PPP2R5A: variants seen among roughly 807,000 people sequenced by gnomAD.
PPP2R5A encodes the protein serine/threonine-protein phosphatase 2A 56 kDa regulatory subunit alpha isoform.
PPP2R5A carries 25 observed loss-of-function variants against 64.2 expected under a neutral mutation model. The ratio of observed to expected loss-of-function variants is 0.39; its 90% CI spans 0.28 to 0.54. The LOEUF is 0.54. PPP2R5A is among the 20% of genes least tolerant of loss of function. PPP2R5A has a pLI of 0.67. For missense variants in PPP2R5A, 425 were observed against 576.3 expected (o/e 0.74, Z 2.69); for synonymous variants, 198 against 201.2 (o/e 0.98, Z 0.13).
chr1:212,309,334 C>A, intron 1 of PPP2R5A: 1 of 1,533,014 alleles, frequency 6.5e-7, no homozygotes, highest in Admixed American at 1.7e-5. Context: ...GGCGCTCTTC[C>A]GAGGATATTT....
At chr1:212,357,329 T>TTA in intron 11 of PPP2R5A, 45 bp downstream of exon 11, 1 of 1,422,880 alleles carries the variant, frequency 7.0e-7, no homozygotes, top group Non-Finnish European at 9.4e-7. Context: ...TTTTTTTTTT[T>TTA]TATATCTTTT....
chr1:212,291,482 C>A (rs1658601023), intron 1 of PPP2R5A, among the ~76,000 whole-genome samples: 1 of 152,230 alleles, frequency 6.6e-6, no homozygotes, highest in Non-Finnish European at 1.5e-5. Flanking sequence ...GTAAAATCCA[C>A]TTACAGTATT....
intron 12 of PPP2R5A, among the ~76,000 whole-genome samples, chr1:212,359,180 A>C (rs1348275177): frequency 1.3e-5 from 2 of 152,154 alleles, no homozygotes; most frequent in Non-Finnish European, 2.9e-5. Flanking sequence ...CAATTTGTAC[A>C]ATTTGATTTT....
At chr1:212,320,461 T>C (rs1474424812) in intron 1 of PPP2R5A, among the ~76,000 whole-genome samples, 1 of 152,072 alleles carries the variant, frequency 6.6e-6, no homozygotes, top group African/African-American at 2.4e-5. Context: ...AGCTGTTGAG[T>C]ACACCTCCCA....
In PPP2R5A at chr1:212,360,698, A is replaced by G. The variant is rs746951287; in HGVS notation, c.1389A>G (p.Leu463=). 1.3e-6 allele frequency: 2 copies of G among 1,597,900 alleles called. No individual in the cohort carries two copies. The highest frequency in any genetic ancestry group is 1.7e-6 in the Non-Finnish European group (2 of 1,171,010). Residue 463 remains leucine (L), a synonymous_variant, in exon 13 of 13, where the codon CTA becomes CTG. Coordinates refer to ENST00000261461, the MANE Select transcript of PPP2R5A (RefSeq NM_006243.4). ...ELWKKLEELK[L]KKALEKQNSA... ...GGAAAAAATTAGAGGAGCTAAAGCT[A>G]AAGAAAGCTCTAGAAAAACAGAATA...
At chr1:212,351,119 A>C (rs1305947678) in intron 8 of PPP2R5A, among the ~76,000 whole-genome samples, 1 of 151,876 alleles carries the variant, frequency 6.6e-6, no homozygotes, top group Non-Finnish European at 1.5e-5. Context: ...AAAAACAAAA[A>C]AACAAAAAAC....
At chr1:212,347,435 G>T (rs1558153451) in intron 6 of PPP2R5A, 29 bp downstream of exon 6, 2 of 1,489,120 alleles carry the variant, frequency 1.3e-6, no homozygotes, top group Non-Finnish European at 1.9e-6. Context: ...TTCTTTTTAA[G>T]AATTAAGTAA....
At chr1:212,323,263 A>T (rs1299870840) in intron 1 of PPP2R5A, among the ~76,000 whole-genome samples, 1 of 152,172 alleles carries the variant, frequency 6.6e-6, no homozygotes, top group Non-Finnish European at 1.5e-5. Flanking sequence ...TGGCCTTCTC[A>T]ACTTGCTTCT....
chr1:212,357,359 C>G, intron 11 of PPP2R5A, 75 bp downstream of exon 11: 1 of 1,308,836 alleles, frequency 7.6e-7, no homozygotes, highest in East Asian at 2.6e-5. Context: ...TTTCCTAACT[C>G]ATACTTGAAA....
chr1:212,299,740 C>G (rs1658765648), intron 1 of PPP2R5A: 3 of 151,920 alleles, frequency 2.0e-5, no homozygotes, highest in Non-Finnish European at 2.9e-5. Flanking sequence ...CCAGAGTGAA[C>G]ATAAAGTAGC....
intron 1 of PPP2R5A, among the ~76,000 whole-genome samples, chr1:212,292,761 C>T (rs1295153871): frequency 6.6e-6 from 1 of 152,154 alleles, no homozygotes; most frequent in Non-Finnish European, 1.5e-5. Context: ...GACAAGTTCT[C>T]GCTATGTTGT....
At chr1:212,346,746 G>T (rs1237358959) in intron 5 of PPP2R5A, among the ~76,000 whole-genome samples, 1 of 152,070 alleles carries the variant, frequency 6.6e-6, no homozygotes, top group Non-Finnish European at 1.5e-5. Flanking sequence ...ATTAATTGAA[G>T]ATCTGGCAAA....
At chr1:212,302,151 G>A (rs1398154995) in intron 1 of PPP2R5A, 7 of 1,408,700 alleles carry the variant, frequency 5.0e-6, no homozygotes, top group Non-Finnish European at 6.8e-6. Flanking sequence ...GGAGAGAAAT[G>A]AATAGAGACT....
chr1:212,301,009 GA>G (rs1243671199), intron 1 of PPP2R5A, among the ~76,000 whole-genome samples: 1 of 152,066 alleles, frequency 6.6e-6, no homozygotes, highest in Non-Finnish European at 1.5e-5. Context: ...CTAGAGACTT[GA>G]ACACCTTGTT....
At chr1:212,350,007 G>A (rs1390776816) in intron 8 of PPP2R5A, among the ~76,000 whole-genome samples, 7 of 152,028 alleles carry the variant, frequency 4.6e-5, no homozygotes, top group Admixed American at 1.3e-4. Flanking sequence ...AAGTGATTGC[G>A]GCTTTTGCCA....
At position 212,344,270 on chromosome 1, in the gene PPP2R5A, G is replaced by A. The variant is rs139020498; in HGVS notation, c.574-1533G>A. Among the ~76,000 whole-genome samples the A allele has an allele frequency of 2.6e-4, 39 of 152,238 alleles. No homozygotes were observed. The East Asian group carries it at 6.4e-3, about 25-fold the overall frequency. On this transcript the variant is annotated intron_variant, in intron 4 of 12. Coordinates refer to ENST00000261461, the MANE Select transcript of PPP2R5A (RefSeq NM_006243.4). ...ATTACAGTTGAGAGCCACTTTGCCC[G>A]GCTGCCATTTTTAATTAGAATAATT...
At chr1:212,289,683 AT>A (rs1409397037) in intron 1 of PPP2R5A, among the ~76,000 whole-genome samples, 1 of 152,172 alleles carries the variant, frequency 6.6e-6, no homozygotes, top group Admixed American at 6.5e-5. Context: ...AAGGGGAATA[AT>A]TTAAGTGCCT....
In PPP2R5A at chr1:212,357,089, G is replaced by A; in HGVS notation, c.1098+20G>A. 6.3e-7 allele frequency: 1 copy of A among 1,594,088 alleles called. No individual in the cohort carries two copies. The highest frequency in any genetic ancestry group is 1.8e-5 in the Admixed American group (1 of 54,896). ...TTTCAGGTATGATGTTTTCAGTGAA[G>A]CCTTTACTTTACACTAGTATTTCTT... On this transcript the variant is annotated intron_variant, in intron 10 of 12. Coordinates refer to ENST00000261461, the MANE Select transcript of PPP2R5A (RefSeq NM_006243.4).
chr1:212,331,492 A>G (rs1382697384), intron 2 of PPP2R5A: 1 of 152,132 alleles, frequency 6.6e-6, no homozygotes, highest in Non-Finnish European at 1.5e-5. Context: ...AAGATTAGCT[A>G]TAGAGAGAAC....
Sources: allele counts gnomAD v4.1 joint callset (sites outside exome capture counted in the v4.1 genomes callset), GRCh38; gene constraint gnomAD v4.1.1; transcripts MANE v1.5; gene names NCBI Gene and HGNC (gene_info 2026-07-23, HGNC 2026-07-21).